Variants in CSMD1 observed in about 807,000 individuals in gnomAD.
The protein encoded by CSMD1 is CUB and sushi domain-containing protein 1.
A neutral mutation model predicts 417.5 loss-of-function variants in CSMD1; 213 were observed. The ratio of observed to expected loss-of-function variants is 0.51; its 90% CI spans 0.46 to 0.57. CSMD1 has a LOEUF of 0.57. Among genes scored for constraint, CSMD1 ranks in the 20% least tolerant of loss-of-function variants. The pLI, the probability that CSMD1 is intolerant of heterozygous loss-of-function variation, is 0.00. For synonymous variants in CSMD1, 2,862 were observed against 1,736.8 expected (o/e 1.65, Z -16.11); for missense variants, 6,923 against 4,529.7 (o/e 1.53, Z -15.17).
chr8:3,613,737 A>ACACC (rs71203455), intron 8 of CSMD1, among the ~76,000 whole-genome samples: 1,760 of 144,334 alleles, frequency 0.012, 10 homozygotes, highest in African/African-American at 0.022. Context: ...ACACACACAC[A>ACACC]CCTCAAAAAA....
chr8:3,526,570 T>C (rs770833148), intron 10 of CSMD1, among the ~76,000 whole-genome samples: 110 of 152,288 alleles, frequency 7.2e-4, no homozygotes, highest in Non-Finnish European at 1.4e-3. Context: ...TAATGCATCA[T>C]TGCCTGTGTT....
intron 18 of CSMD1, among the ~76,000 whole-genome samples, chr8:3,382,507 T>TTATATATATATAAATTTATA (rs1554532552): frequency 8.0e-4 from 105 of 131,600 alleles, no homozygotes; most frequent in African/African-American, 2.3e-3. Flanking sequence ...GTATATAAAT[T>TTATATATATATAAATTTATA]TATATATATA....
At chr8:3,692,633 A>C (rs1372402530) in intron 7 of CSMD1, among the ~76,000 whole-genome samples, 3 of 151,996 alleles carry the variant, frequency 2.0e-5, no homozygotes, top group Non-Finnish European at 4.4e-5. Context: ...GGGTTTCACC[A>C]TGTTGGTCAG....
chr8:3,891,232 A>T (rs1207589583), intron 5 of CSMD1, among the ~76,000 whole-genome samples: 1 of 151,938 alleles, frequency 6.6e-6, no homozygotes. Flanking sequence ...TTTTCTTTGT[A>T]AAGATGGGTT....
rs528628062 is a variant in CSMD1 at position 3,684,793 on chromosome 8, C to A, written c.1009+23621G>T. Among the ~76,000 whole-genome samples the A allele has an allele frequency of 3.9e-5, 6 of 152,086 alleles. No homozygotes were observed. In the South Asian group the frequency reaches 1.2e-3, roughly 32 times the overall value. On this transcript the variant is annotated intron_variant, in intron 7 of 69. Transcript: ENST00000635120. ...TTGACGGCAGCCTAATTTTAGTCACCCTCATTCTCCTTGCTATAGATCATA... is the reference window on the plus strand; with the variant it reads ...TTGACGGCAGCCTAATTTTAGTCACACTCATTCTCCTTGCTATAGATCATA...
intron 3 of CSMD1, among the ~76,000 whole-genome samples, chr8:4,106,166 A>G (rs953234295): frequency 6.6e-6 from 1 of 152,204 alleles, no homozygotes; most frequent in Non-Finnish European, 1.5e-5. Flanking sequence ...AGTACAGACC[A>G]GCGTCTGTGC....
chr8:3,759,127 T>A (rs534423440), intron 5 of CSMD1, among the ~76,000 whole-genome samples: 1 of 152,346 alleles, frequency 6.6e-6, no homozygotes, highest in South Asian at 2.1e-4. Context: ...AAACACGTGT[T>A]GGTTTAAGTC....
Position 4,311,935 on chromosome 8 carries a change from C to A in CSMD1, c.415+108018G>T, listed in dbSNP as rs759429191. Among the ~76,000 whole-genome samples the A allele has an allele frequency of 4.6e-5, 7 of 151,942 alleles. No individual in the cohort carries two copies. In the East Asian group the frequency reaches 1.2e-3, roughly 25 times the overall value. On this transcript the variant is annotated intron_variant, in intron 3 of 69. Transcript: ENST00000635120. Reference sequence around the variant, plus strand: ...GACACTTATTTACCTGTGTAACAAACCTTCACTTGTATCCCTAAACCTGAA... The same window carrying A: ...GACACTTATTTACCTGTGTAACAAAACTTCACTTGTATCCCTAAACCTGAA...
intron 3 of CSMD1, among the ~76,000 whole-genome samples, chr8:4,293,967 G>C (rs1171995725): frequency 6.6e-6 from 1 of 151,816 alleles, no homozygotes; most frequent in Admixed American, 6.6e-5. Context: ...TTCTAAAGCT[G>C]GTGCTTTTTG....
rs548306383 is a variant in CSMD1 at position 3,255,333 on chromosome 8, G to A, written c.4154-25102C>T. The stretch of plus-strand genomic sequence containing the variant: ...CGGGGGACAGGGACCCACTTGAGGA[G>A]GCAGTCTGTCCATTCTCAGATCTCA... On this transcript the variant is annotated intron_variant, in intron 26 of 69. Transcript: ENST00000635120. Among the ~76,000 whole-genome samples the A allele has an allele frequency of 2.6e-5, 4 of 152,306 alleles. No homozygotes were observed. The East Asian group carries it at 7.7e-4, about 29-fold the overall frequency.
rs142724368 is a variant in CSMD1 at position 3,033,477 on chromosome 8, G to A, written c.7661-3964C>T. Among the ~76,000 whole-genome samples, 285 of 152,146 alleles carry A rather than the reference G, an allele frequency of 1.9e-3. 4 individuals are homozygous for A. Among genetic ancestry groups the A allele is most frequent in the Middle Eastern group, 0.014 (4 of 294 alleles). On this transcript the variant is annotated intron_variant, in intron 50 of 69. Coordinates refer to ENST00000635120, the MANE Select transcript of CSMD1 (RefSeq NM_033225.6). ...AGTGTTAAAATAAATTTGGCTCACTGAGAATGACGGTTAACACGGGAACAG... is the reference window on the plus strand; with the variant it reads ...AGTGTTAAAATAAATTTGGCTCACTAAGAATGACGGTTAACACGGGAACAG...
At chr8:4,348,628 GGA>G (rs1248285090) in intron 3 of CSMD1, among the ~76,000 whole-genome samples, 1 of 132,182 alleles carries the variant, frequency 7.6e-6, no homozygotes, top group African/African-American at 2.8e-5. Flanking sequence ...GGGAGGGAGG[GGA>G]GAGGGGGAGA....
chr8:3,562,755 A>C (rs997619837), intron 10 of CSMD1, among the ~76,000 whole-genome samples: 1 of 151,442 alleles, frequency 6.6e-6, no homozygotes, highest in Non-Finnish European at 1.5e-5. Context: ...TAATAATAAT[A>C]CGGAGCCTAT....
intron 2 of CSMD1, among the ~76,000 whole-genome samples, chr8:4,453,343 C>G (rs938008159): frequency 6.6e-5 from 10 of 152,320 alleles, no homozygotes; most frequent in East Asian, 3.9e-4. Context: ...TGGGAACCAA[C>G]TGCCCCAGTC....
At chr8:4,368,084 T>C (rs574817903) in intron 3 of CSMD1, among the ~76,000 whole-genome samples, 23 of 152,294 alleles carry the variant, frequency 1.5e-4, no homozygotes, top group African/African-American at 5.3e-4. Context: ...CCTTGTCTCA[T>C]TCCTGTTCTC....
chr8:4,104,725 G>A lies in CSMD1; in HGVS notation c.416-72626C>T, dbSNP rs572996596. Among the ~76,000 whole-genome samples, 27 of 152,314 alleles carry A rather than the reference G, an allele frequency of 1.8e-4. 1 individual carries two copies. The East Asian group carries it at 4.8e-3, about 27-fold the overall frequency. On this transcript the variant is annotated intron_variant, in intron 3 of 69. Transcript: ENST00000635120. The stretch of plus-strand genomic sequence containing the variant: ...CAATAGCTGGCAACAGTCCCAAGAG[G>A]AACTAGGTCAGAGCCCGGGGAAAAG...
At chr8:3,173,812 T>C (rs1229377653) in intron 37 of CSMD1, among the ~76,000 whole-genome samples, 2 of 152,218 alleles carry the variant, frequency 1.3e-5, no homozygotes, top group African/African-American at 4.8e-5. Context: ...GTTAATGTAA[T>C]ATTAAAGTGC....
chr8:4,173,379 A>G (rs1401255445), intron 3 of CSMD1, among the ~76,000 whole-genome samples: 6 of 152,166 alleles, frequency 3.9e-5, no homozygotes, highest in Admixed American at 2.6e-4. Flanking sequence ...AAGATGAGAC[A>G]GAGGCATAAA....
chr8:3,802,639 G>T (rs1047119506), intron 5 of CSMD1, among the ~76,000 whole-genome samples: 1 of 152,110 alleles, frequency 6.6e-6, no homozygotes, highest in Non-Finnish European at 1.5e-5. Context: ...TAGTAATAAA[G>T]CAATCATGAG....
Sources: allele counts gnomAD v4.1 joint callset (sites outside exome capture counted in the v4.1 genomes callset), GRCh38; gene constraint gnomAD v4.1.1; transcripts MANE v1.5; gene names NCBI Gene and HGNC (gene_info 2026-07-23, HGNC 2026-07-21).